PLAA: variants seen among roughly 807,000 people sequenced by gnomAD.
PLAA encodes phospholipase A2 activating protein.
In PLAA, 48 loss-of-function variants were observed where a neutral mutation model predicts 84.1. The observed-to-expected ratio is 0.57, with a 90% confidence interval of 0.45 to 0.73. The LOEUF is 0.73. PLAA is among the 30% of genes least tolerant of loss of function. The pLI is 0.00. For missense variants in PLAA, 903 were observed against 954.7 expected, an observed-to-expected ratio of 0.95 and a Z score of 0.71; for synonymous variants, 392 against 336.6, an observed-to-expected ratio of 1.16 and a Z score of -1.80.
intron 4 of PLAA, among the ~76,000 whole-genome samples, chr9:26,927,752 C>T (rs1490197349): frequency 6.6e-6 from 1 of 152,126 alleles, no homozygotes; most frequent in African/African-American, 2.4e-5. Context: ...GACTGACCAT[C>T]AGTAAGGCTT....
In PLAA at chr9:26,947,119, C is replaced by A; in HGVS notation, c.-74G>T. 1 of 1,390,742 alleles carries A rather than the reference C, an allele frequency of 7.2e-7. No individual in the cohort carries two copies. The highest frequency in any genetic ancestry group is 3.0e-5 in the East Asian group (1 of 33,778). The allele number at this position is 1,390,742 out of a possible 1,614,324, so 86.2% of individuals were successfully genotyped here. On this transcript the variant is annotated 5_prime_UTR_variant, in exon 1 of 14. Coordinates refer to ENST00000397292, the MANE Select transcript of PLAA (RefSeq NM_001031689.3). The stretch of plus-strand genomic sequence containing the variant: ...TCCGCAGGGGCGACTCGGAGAGCGC[C>A]GGGCCGCGGCGGGAGAAGAGCCTGC...
chr9:26,916,409 G>A (rs1272455802), intron 10 of PLAA: 5 of 986,868 alleles, frequency 5.1e-6, no homozygotes, highest in South Asian at 9.4e-5. Flanking sequence ...ACTTTTTCCA[G>A]TAGTGTTGAT....
intron 10 of PLAA, among the ~76,000 whole-genome samples, chr9:26,914,508 T>C (rs1341397572): frequency 6.6e-6 from 1 of 151,990 alleles, no homozygotes; most frequent in East Asian, 1.9e-4. Flanking sequence ...CCTCTCTCAA[T>C]TTATACTCTA....
rs1301218235 is a variant in PLAA at position 26,905,734 on chromosome 9, T to G, written c.2165A>C (p.Lys722Thr). The G allele has an allele frequency of 6.2e-7, 1 of 1,613,940 alleles. No homozygotes were observed. Among genetic ancestry groups the G allele is most frequent in the Admixed American group, 1.7e-5 (1 of 60,012 alleles). ...CFHKDHNIEG[K>T]AQCLSLISTI... The stretch of plus-strand genomic sequence containing the variant: ...GCTAATTAGTGACAAACATTGGGCT[T>G]TCCCTTCAATGTTATGGTCTTTATG... The change falls in exon 14 of 14, where the codon AAA becomes ACA. Residue 722 changes from lysine to threonine, a missense_variant. By Grantham distance (78) the Lys-to-Thr change is moderately conservative. Transcript: ENST00000397292.
intron 2 of PLAA, among the ~76,000 whole-genome samples, chr9:26,929,331 A>C (rs1210727104): frequency 2.0e-5 from 3 of 152,112 alleles, no homozygotes; most frequent in African/African-American, 7.2e-5. Flanking sequence ...GCTCTAAAAC[A>C]AAAATTTTAA....
chr9:26,919,394 C>T lies in PLAA; in HGVS notation c.1333G>A (p.Asp445Asn). ...QKNDLNPMFL[D>N]QVAKFIIDNT... ...TCAATAATAAATTTAGCTACTTGAT[C>T]CAGAAACATAGGATTCAAATCATTC... Residue 445 changes from aspartate (D) to asparagine (N), a missense_variant, in exon 9 of 14, where the codon GAT becomes AAT. Physicochemically the swap from Asp to Asn is conservative, Grantham distance 23 (BLOSUM62 1). Coordinates refer to ENST00000397292, the MANE Select transcript of PLAA (RefSeq NM_001031689.3). The T allele has an allele frequency of 6.2e-7, 1 of 1,612,990 alleles. No individual in the cohort carries two copies. The highest frequency in any genetic ancestry group is 8.5e-7 in the Non-Finnish European group (1 of 1,179,410).
chr9:26,910,171 C>A (rs139272226), intron 12 of PLAA, among the ~76,000 whole-genome samples, 167 bp downstream of exon 12: 1 of 152,102 alleles, frequency 6.6e-6, no homozygotes, highest in East Asian at 1.9e-4. Flanking sequence ...ATTATGGATC[C>A]TTTACCAGAC....
rs1442920958 is a variant in PLAA at position 26,905,091 on chromosome 9, A to G, written c.*420T>C. 2 of 153,038 alleles carry G rather than the reference A, an allele frequency of 1.3e-5. No individual in the cohort carries two copies. The highest frequency in any genetic ancestry group is 1.3e-4 in the Admixed American group (2 of 15,284). The allele number at this position is 153,038 out of a possible 1,614,324, so 9.5% of individuals were successfully genotyped here. On this transcript the variant is annotated 3_prime_UTR_variant, in exon 14 of 14. Transcript: ENST00000397292. ...GTAGTTATCCTAAAACAAGACCTTG[A>G]AATGTATCAGTGCTGTTCGAAGGAT...
intron 2 of PLAA, among the ~76,000 whole-genome samples, chr9:26,933,959 C>A (rs1370696731): frequency 6.6e-6 from 1 of 152,004 alleles, no homozygotes; most frequent in Non-Finnish European, 1.5e-5. Flanking sequence ...CAAGCATGCA[C>A]CACCATGTCC....
intron 10 of PLAA, chr9:26,915,572 G>A: frequency 2.2e-6 from 1 of 460,894 alleles, no homozygotes; most frequent in Non-Finnish European, 2.8e-6. Flanking sequence ...ATATACTCCA[G>A]GCATTTTGCT....
chr9:26,910,700 T>C (rs953220096), intron 11 of PLAA, among the ~76,000 whole-genome samples: 2 of 152,170 alleles, frequency 1.3e-5, no homozygotes, highest in African/African-American at 4.8e-5. Context: ...TTTTTCTTTC[T>C]GAGACAGGGT....
chr9:26,940,258 G>A (rs559763582), intron 1 of PLAA, among the ~76,000 whole-genome samples: 7 of 152,298 alleles, frequency 4.6e-5, no homozygotes, highest in African/African-American at 1.4e-4. Context: ...ATCAACCTAA[G>A]TGTCCATCAA....
chr9:26,916,488 A>C (rs371863798), intron 10 of PLAA: 1 of 986,884 alleles, frequency 1.0e-6, no homozygotes, highest in African/African-American at 1.7e-5. Context: ...AAGGGCTTCA[A>C]GAAGGACATT....
In PLAA at chr9:26,919,482, T is replaced by C; in HGVS notation, c.1245A>G (p.Ser415=). ...FSIDVNEGGP[S]YKLPYNTSDD... is the part of the protein sequence containing the mutation. Reference sequence around the variant, plus strand: ...CACTGGTATTATATGGCAATTTATATGATGGTCCACCTTCATTGACATCAA... The same window carrying C: ...CACTGGTATTATATGGCAATTTATACGATGGTCCACCTTCATTGACATCAA... The change falls in exon 9 of 14, where the codon TCA becomes TCG. Residue 415 remains serine (S), a synonymous_variant. Transcript: ENST00000397292. 2 of 1,611,030 alleles carry C rather than the reference T, an allele frequency of 1.2e-6. No homozygotes were observed. The highest frequency in any genetic ancestry group is 1.7e-6 in the Non-Finnish European group (2 of 1,177,506).
chr9:26,920,273 G>A lies in PLAA; in HGVS notation c.1151C>T (p.Ser384Phe). Residue 384 changes from serine to phenylalanine, a missense_variant, in exon 8 of 14, where the codon TCT (serine) becomes TTT (phenylalanine). Coordinates refer to ENST00000397292, the MANE Select transcript of PLAA (RefSeq NM_001031689.3). ...TCCAGATGTTTGCTGATTAGCACCA[G>A]ATGAGCCAACAACATCACCAATTTT... ...WIKIGDVVGS[S>F]GANQQTSGKV... is the part of the protein sequence containing the mutation. The A allele has an allele frequency of 6.2e-7, 1 of 1,613,902 alleles. No individual in the cohort carries two copies. The highest frequency in any genetic ancestry group is 8.5e-7 in the Non-Finnish European group (1 of 1,179,894).
chr9:26,916,164 A>T (rs959752115), intron 10 of PLAA: 125 of 984,434 alleles, frequency 1.3e-4, no homozygotes, highest in Non-Finnish European at 1.5e-4. Context: ...ATGCTGACCT[A>T]ACGTTGTATG....
rs761685901 is a variant in PLAA, at chr9:26,905,503, C to T, written c.*8G>A. On this transcript the variant is annotated 3_prime_UTR_variant, in exon 14 of 14. Coordinates refer to ENST00000397292, the MANE Select transcript of PLAA (RefSeq NM_001031689.3). ...TCAATTAAAAATATCCGTCCCTCTT[C>T]CCCACTGCTACAGCAAATTTAGGAT... 6.3e-7 allele frequency: 1 copy of T among 1,586,824 alleles called. No individual in the cohort carries two copies. Among genetic ancestry groups the T allele is most frequent in the Non-Finnish European group, 8.6e-7 (1 of 1,163,228 alleles).
rs1825447590 is a variant in PLAA at position 26,939,218 on chromosome 9, C to T, written c.150-4012G>A. Among the ~76,000 whole-genome samples, 4 of 151,910 alleles carry T rather than the reference C, an allele frequency of 2.6e-5. No individual in the cohort carries two copies. In the South Asian group the frequency reaches 8.3e-4, roughly 32 times the overall value. Reference sequence around the variant, plus strand: ...CCTGGCTAACACGGTGAAACCCCATCTCTACTAAAAATACAAAAAATTAGC... The same window carrying T: ...CCTGGCTAACACGGTGAAACCCCATTTCTACTAAAAATACAAAAAATTAGC... On this transcript the variant is annotated intron_variant, in intron 1 of 13. Transcript: ENST00000397292.
At chr9:26,913,450 T>C (rs1445924318) in intron 11 of PLAA, among the ~76,000 whole-genome samples, 1 of 152,108 alleles carries the variant, frequency 6.6e-6, no homozygotes, top group African/African-American at 2.4e-5. Context: ...CAATGTATAA[T>C]CCAGTGAATA....
Sources: gnomAD v4.1 joint callset for allele counts (sites outside exome capture counted in the v4.1 genomes callset) on GRCh38, gnomAD v4.1.1 for gene constraint, MANE v1.5 for transcripts, NCBI Gene and HGNC (gene_info 2026-07-23, HGNC 2026-07-21) for gene names.